Variants in RSF1 observed in about 807,000 individuals in gnomAD.
RSF1 encodes remodeling and spacing factor 1.
RSF1 carries 13 observed loss-of-function variants against 145.2 expected under a neutral mutation model. The observed-to-expected ratio is 0.09, with a 90% CI of 0.06 to 0.14. The LOEUF is 0.14. Ranked by LOEUF, RSF1 falls within the 10% of genes least tolerant of loss-of-function variation. The pLI, the probability that RSF1 is intolerant of heterozygous loss-of-function variation, is 1.00. For synonymous variants in RSF1, 577 were observed against 592.6 expected (o/e 0.97, Z 0.38); for missense variants, 1,517 against 1,718.2 (o/e 0.88, Z 2.07).
At chr11:77,753,449 C>A (rs546596188) in intron 2 of RSF1, among the ~76,000 whole-genome samples, 3 of 152,326 alleles carry the variant, frequency 2.0e-5, no homozygotes, top group Admixed American at 1.3e-4. Flanking sequence ...GCTAATGAGA[C>A]ACCACTAGGC....
chr11:77,691,749 T>TAA, intron 8 of RSF1: 1 of 151,224 alleles, frequency 6.6e-6, no homozygotes, highest in Non-Finnish European at 1.5e-5. Context: ...TGACTATCCT[T>TAA]AAAAAAAAAG....
the RSF1 span, among the ~76,000 whole-genome samples, chr11:77,864,851 T>C: frequency 6.6e-6 from 1 of 152,194 alleles, no homozygotes; most frequent in Middle Eastern, 3.4e-3. Flanking sequence ...TGGTGGCACA[T>C]CTGTATTCCC....
chr11:77,800,455 G>A (rs900217550), intron 1 of RSF1, among the ~76,000 whole-genome samples: 1 of 152,040 alleles, frequency 6.6e-6, no homozygotes, highest in Admixed American at 6.6e-5. Flanking sequence ...TCACACCACT[G>A]CACTGCAGCC....
intron 15 of RSF1, among the ~76,000 whole-genome samples, chr11:77,671,782 G>A (rs12792400): frequency 0.13 from 19,190 of 151,798 alleles, 1,491 homozygotes; most frequent in Non-Finnish European, 0.17. Context: ...TTACAGGCGC[G>A]TATCACCACA....
intron 4 of RSF1, among the ~76,000 whole-genome samples, chr11:77,728,010 C>T (rs1259947416): frequency 1.3e-5 from 2 of 152,166 alleles, no homozygotes; most frequent in African/African-American, 4.8e-5. Context: ...CAAATCACAT[C>T]CAAATTTCTT....
chr11:77,698,837 T>G (rs975179674), intron 6 of RSF1, 144 bp from the exon 7 acceptor site: 2 of 669,996 alleles, frequency 3.0e-6, no homozygotes, highest in African/African-American at 3.6e-5. Context: ...TCATCAGATA[T>G]AGCTATGGTT....
At chr11:77,791,507 GT>G (rs1274315570) in intron 1 of RSF1, among the ~76,000 whole-genome samples, 2 of 152,130 alleles carry the variant, frequency 1.3e-5, no homozygotes, top group Non-Finnish European at 2.9e-5. Context: ...TAGAAAATGG[GT>G]TTTTCTTTTC....
intron 8 of RSF1, among the ~76,000 whole-genome samples, chr11:77,693,274 G>GA (rs1315730528): frequency 6.6e-6 from 1 of 151,578 alleles, no homozygotes; most frequent in Admixed American, 6.6e-5. Context: ...ACAAATACAA[G>GA]AAAAAAATCA....
At chr11:77,724,849 C>T (rs948324289) in intron 5 of RSF1, among the ~76,000 whole-genome samples, 1 of 152,192 alleles carries the variant, frequency 6.6e-6, no homozygotes, top group Non-Finnish European at 1.5e-5. Flanking sequence ...AATGCTCACT[C>T]GTCCCTGCTC....
chr11:77,688,236 G>A lies in RSF1; in HGVS notation c.2900+2923C>T, dbSNP rs571973587. Reference sequence around the variant, plus strand: ...GAACCCAGGAGGCAGAGGTTGCAGTGAGCTGAGACCCTGCCACTGTACCTG... The same window carrying A: ...GAACCCAGGAGGCAGAGGTTGCAGTAAGCTGAGACCCTGCCACTGTACCTG... On this transcript the variant is annotated intron_variant, in intron 9 of 15. Coordinates refer to ENST00000308488, the MANE Select transcript of RSF1 (RefSeq NM_016578.4). Among the ~76,000 whole-genome samples, 16 of 152,310 alleles carry A rather than the reference G, an allele frequency of 1.1e-4. No individual in the cohort carries two copies. The South Asian group carries it at 2.9e-3, about 28-fold the overall frequency.
At chr11:77,746,816 A>G (rs1157961902) in intron 3 of RSF1, among the ~76,000 whole-genome samples, 2 of 152,204 alleles carry the variant, frequency 1.3e-5, no homozygotes, top group African/African-American at 4.8e-5. Context: ...CTGCTTGCCC[A>G]TGTTATTACT....
chr11:77,698,385 T>G, intron 7 of RSF1, 102 bp downstream of exon 7: 1 of 933,974 alleles, frequency 1.1e-6, no homozygotes. Context: ...AAGTTATCAT[T>G]AAGAAATTCA....
At position 77,684,974 on chromosome 11, in the gene RSF1, C is replaced by T. The variant is rs190697157; in HGVS notation, c.2955+131G>A. On this transcript the variant is annotated intron_variant, in intron 10 of 15. Transcript: ENST00000308488. ...TGCACTCCAGTCTGGGCAACAAGAACGAAACTCCATCTCGAAATAAATAAA... is the reference window on the plus strand; with the variant it reads ...TGCACTCCAGTCTGGGCAACAAGAATGAAACTCCATCTCGAAATAAATAAA... The T allele has an allele frequency of 1.8e-3, 766 of 433,192 alleles. 4 individuals carry two copies. Among genetic ancestry groups the T allele is most frequent in the Non-Finnish European group, 2.6e-3 (660 of 257,874 alleles). The allele number at this position is 433,192 out of a possible 1,614,324, so 26.8% of individuals were successfully genotyped here.
intron 1 of RSF1, among the ~76,000 whole-genome samples, chr11:77,768,538 T>C (rs1247131946): frequency 6.6e-6 from 1 of 152,208 alleles, no homozygotes; most frequent in Admixed American, 6.5e-5. Context: ...AAATACATTG[T>C]GCATTTCACA....
intron 2 of RSF1, among the ~76,000 whole-genome samples, chr11:77,754,605 AG>A (rs1201875463): frequency 7.9e-6 from 1 of 127,352 alleles, no homozygotes; most frequent in Admixed American, 8.7e-5. Context: ...ATGGTGGTGC[AG>A]GCCTGTAGTC....
chr11:77,812,025 A>AT (rs1470067955), intron 1 of RSF1, among the ~76,000 whole-genome samples: 1 of 152,114 alleles, frequency 6.6e-6, no homozygotes, highest in African/African-American at 2.4e-5. Context: ...AATACAAAAA[A>AT]TTTTTAGCTG....
At chr11:77,754,269 T>C (rs781038359) in intron 2 of RSF1, among the ~76,000 whole-genome samples, 36 of 152,300 alleles carry the variant, frequency 2.4e-4, no homozygotes, top group Non-Finnish European at 4.9e-4. Context: ...GTTTAAGTAC[T>C]ACTCTGGATC....
At chr11:77,734,552 T>C in intron 4 of RSF1, 1 of 1,554,820 alleles carries the variant, frequency 6.4e-7, no homozygotes, top group Non-Finnish European at 8.8e-7. Flanking sequence ...AGTGCTCCCA[T>C]CTTGTGCAAG....
intron 5 of RSF1, among the ~76,000 whole-genome samples, chr11:77,724,136 A>G (rs1480248188): frequency 6.6e-6 from 1 of 152,256 alleles, no homozygotes; most frequent in Admixed American, 6.5e-5. Flanking sequence ...CAAATGGCCA[A>G]TAAACACTTG....
Sources: gnomAD v4.1 joint callset for allele counts (sites outside exome capture counted in the v4.1 genomes callset) on GRCh38, gnomAD v4.1.1 for gene constraint, MANE v1.5 for transcripts, NCBI Gene and HGNC (gene_info 2026-07-23, HGNC 2026-07-21) for gene names.